Variants in DOCK3 observed in about 807,000 individuals in gnomAD.
The protein encoded by DOCK3 is dedicator of cytokinesis protein 3.
DOCK3 carries 60 observed loss-of-function variants against 265.6 expected under a neutral mutation model. The ratio of observed to expected loss-of-function variants is 0.23; its 90% CI spans 0.18 to 0.28. The LOEUF (loss-of-function observed/expected upper bound fraction) is 0.28, where lower values mean the gene tolerates loss of function less well. Among genes scored for constraint, DOCK3 ranks in the 10% least tolerant of loss-of-function variants. The probability of loss-of-function intolerance (pLI) is 1.00; values close to 1 mark genes in which losing one functional copy is unlikely to be tolerated. For missense variants in DOCK3, 1,981 were observed against 2,594.3 expected (o/e 0.76, Z 5.14); for synonymous variants, 881 against 938.0 (o/e 0.94, Z 1.11).
chr3:51,279,111 G>A (rs1238711977), intron 26 of DOCK3, among the ~76,000 whole-genome samples: 2 of 152,116 alleles, frequency 1.3e-5, no homozygotes, highest in African/African-American at 4.8e-5. Context: ...AATTAGCCGG[G>A]CATGGTGGTG....
intron 2 of DOCK3, among the ~76,000 whole-genome samples, chr3:50,793,234 T>C (rs1416658118): frequency 6.6e-6 from 1 of 152,138 alleles, no homozygotes; most frequent in Non-Finnish European, 1.5e-5. Context: ...ATTTGAATTT[T>C]TTTGGGGTCA....
At chr3:51,335,478 A>G (rs1348021507) in intron 35 of DOCK3, among the ~76,000 whole-genome samples, 1 of 152,202 alleles carries the variant, frequency 6.6e-6, no homozygotes, top group Non-Finnish European at 1.5e-5. Flanking sequence ...CCGTGCACAC[A>G]TTGAATGATG....
chr3:51,074,699 G>A (rs1478070504), intron 6 of DOCK3, among the ~76,000 whole-genome samples: 3 of 151,938 alleles, frequency 2.0e-5, no homozygotes. Context: ...GGGAGGGAGA[G>A]AATTAGGAAA....
chr3:50,883,997 T>C (rs2048196813), intron 3 of DOCK3, among the ~76,000 whole-genome samples: 1 of 152,192 alleles, frequency 6.6e-6, no homozygotes, highest in African/African-American at 2.4e-5. Flanking sequence ...CTTTTGCATC[T>C]GCCTTCTTTC....
chr3:50,788,582 C>A (rs1025893727), intron 2 of DOCK3, among the ~76,000 whole-genome samples: 18 of 152,238 alleles, frequency 1.2e-4, no homozygotes, highest in African/African-American at 3.9e-4. Context: ...CTTGGCAGTC[C>A]TTCCCTGCAG....
intron 2 of DOCK3, among the ~76,000 whole-genome samples, chr3:50,780,375 G>A (rs1489301794): frequency 6.6e-6 from 1 of 152,212 alleles, no homozygotes; most frequent in Non-Finnish European, 1.5e-5. Flanking sequence ...AAAGAAAAGG[G>A]ATTTATTTGC....
At chr3:50,677,551 GCA>G (rs1239400764) in intron 1 of DOCK3, among the ~76,000 whole-genome samples, 1 of 152,164 alleles carries the variant, frequency 6.6e-6, no homozygotes. Flanking sequence ...CTAACTTGGA[GCA>G]CAGATTTGTG....
At chr3:51,176,194 T>A (rs1177288994) in intron 12 of DOCK3, among the ~76,000 whole-genome samples, 2 of 151,984 alleles carry the variant, frequency 1.3e-5, no homozygotes, top group Non-Finnish European at 2.9e-5. Flanking sequence ...ACAACAGGAG[T>A]CTTTAACACA....
intron 23 of DOCK3, among the ~76,000 whole-genome samples, chr3:51,261,527 A>C (rs932452760): frequency 3.3e-5 from 5 of 152,134 alleles, no homozygotes; most frequent in African/African-American, 1.2e-4. Flanking sequence ...AGTTTTTCTC[A>C]TACCCCAGTG....
At chr3:50,926,721 T>A (rs1003033914) in intron 4 of DOCK3, among the ~76,000 whole-genome samples, 2 of 151,946 alleles carry the variant, frequency 1.3e-5, no homozygotes, top group Non-Finnish European at 2.9e-5. Context: ...GACTGTTGGG[T>A]GGAGTTGGTA....
At chr3:51,178,263 T>G (rs1192333139) in intron 12 of DOCK3, among the ~76,000 whole-genome samples, 1 of 152,060 alleles carries the variant, frequency 6.6e-6, no homozygotes, top group African/African-American at 2.4e-5. Flanking sequence ...TATTGTAAGG[T>G]TAAATTCAGT....
At chr3:50,749,074 T>C (rs575191468) in intron 1 of DOCK3, among the ~76,000 whole-genome samples, 2 of 152,202 alleles carry the variant, frequency 1.3e-5, no homozygotes, top group African/African-American at 2.4e-5. Context: ...CATGGGATAA[T>C]GTGTGTGATA....
At chr3:50,965,356 T>C (rs1313682779) in intron 5 of DOCK3, among the ~76,000 whole-genome samples, 1 of 151,996 alleles carries the variant, frequency 6.6e-6, no homozygotes, top group African/African-American at 2.4e-5. Context: ...CTCAGTGACC[T>C]CAGCATTCAC....
intron 9 of DOCK3, among the ~76,000 whole-genome samples, chr3:51,124,332 G>C (rs2084167504): frequency 6.6e-6 from 1 of 152,280 alleles, no homozygotes; most frequent in South Asian, 2.1e-4. Context: ...CTATATATGG[G>C]GGGCATTATG....
At chr3:51,108,259 C>T (rs1288056253) in intron 9 of DOCK3, among the ~76,000 whole-genome samples, 1 of 151,962 alleles carries the variant, frequency 6.6e-6, no homozygotes, top group Non-Finnish European at 1.5e-5. Context: ...AAAAGGAAAT[C>T]TCAGCAAAGA....
At chr3:50,979,007 C>G (rs1559891915) in intron 5 of DOCK3, among the ~76,000 whole-genome samples, 1 of 152,156 alleles carries the variant, frequency 6.6e-6, no homozygotes, top group Admixed American at 6.5e-5. Flanking sequence ...CTTCGGCTCG[C>G]GTACGGTGCG....
intron 10 of DOCK3, among the ~76,000 whole-genome samples, chr3:51,152,115 G>A (rs1348089269): frequency 6.6e-6 from 1 of 152,036 alleles, no homozygotes; most frequent in Non-Finnish European, 1.5e-5. Flanking sequence ...CATTCTCCCC[G>A]TCACTTTCAG....
chr3:51,059,954 A>C (rs1045150882), intron 5 of DOCK3, among the ~76,000 whole-genome samples: 1 of 152,028 alleles, frequency 6.6e-6, no homozygotes, highest in African/African-American at 2.4e-5. Flanking sequence ...AATTTTGTCA[A>C]ATCTTTTAAA....
At chr3:50,787,371 A>G in intron 2 of DOCK3, 1 of 397,480 alleles carries the variant, frequency 2.5e-6, no homozygotes, top group South Asian at 2.4e-5. Flanking sequence ...CCCCGTCTCT[A>G]TTAAAAATAC....
Sources: allele counts gnomAD v4.1 joint callset (sites outside exome capture counted in the v4.1 genomes callset), GRCh38; gene constraint gnomAD v4.1.1; transcripts MANE v1.5; gene names NCBI Gene and HGNC (gene_info 2026-07-23, HGNC 2026-07-21).